The following UBTD2 variants were observed in gnomAD, a reference collection of about 807,000 sequenced individuals.
UBTD2 encodes the protein ubiquitin domain containing 2.
A neutral mutation model predicts 19.8 loss-of-function variants in UBTD2; 9 were observed. The observed-to-expected ratio is 0.46, with a 90% CI of 0.27 to 0.79. The LOEUF is 0.79. Ranked by LOEUF, UBTD2 falls within the 30% of genes least tolerant of loss-of-function variation. UBTD2 has a pLI of 0.14. For missense variants in UBTD2, 250 were observed against 300.4 expected (o/e 0.83, Z 1.24); for synonymous variants, 98 against 103.9 (o/e 0.94, Z 0.35).
At position 172,283,680 on chromosome 5, in the gene UBTD2, C is replaced by T. The variant is rs1755772887; in HGVS notation, c.-15G>A. 3.2e-6 allele frequency: 4 copies of T among 1,231,978 alleles called. No individual in the cohort carries two copies. In the African/African-American group the frequency reaches 4.7e-5, roughly 14 times the overall value. The allele number at this position is 1,231,978 out of a possible 1,614,324, so 76.3% of individuals were successfully genotyped here. A position where few individuals can be genotyped will look rare whatever the true frequency, so the allele number is the denominator to read the frequency against. ...CACCCGCCCATGGGGGCCCCCGGCG[C>T]CTCGTCCGCCACCTCCGGACGCTCG... On this transcript the variant is annotated 5_prime_UTR_variant, in exon 1 of 3. Transcript: ENST00000393792. The surrounding 1 kb of genome is among the most constrained non-coding windows in gnomAD (Gnocchi z 4.3).
In UBTD2 at chr5:172,210,525, G is replaced by A. The variant is rs529039530; in HGVS notation, c.*1305C>T. ...GCAGCTTTACTCCAGTCATAGTATA[G>A]AAGAATCAGGTTATCTCCCTGGATT... is the stretch of plus-strand genomic sequence containing the variant. On this transcript the variant is annotated 3_prime_UTR_variant, in exon 3 of 3. Coordinates refer to ENST00000393792, the MANE Select transcript of UBTD2 (RefSeq NM_152277.3). 3 of 152,218 alleles carry A rather than the reference G, an allele frequency of 2.0e-5. No homozygotes were observed. Among genetic ancestry groups the A allele is most frequent in the East Asian group, 3.9e-4 (2 of 5,174 alleles). The allele number at this position is 152,218 out of a possible 1,614,324, so 9.4% of individuals were successfully genotyped here.
At chr5:172,257,155 A>C (rs978583464) in intron 1 of UBTD2, among the ~76,000 whole-genome samples, 1 of 152,160 alleles carries the variant, frequency 6.6e-6, no homozygotes, top group Non-Finnish European at 1.5e-5. Flanking sequence ...TCTGCCCTCA[A>C]GGAGGTCCCA....
chr5:172,229,229 G>T (rs1303590342), intron 2 of UBTD2, among the ~76,000 whole-genome samples: 1 of 151,666 alleles, frequency 6.6e-6, no homozygotes, highest in Non-Finnish European at 1.5e-5. Context: ...GGCCGGGCGC[G>T]GTGGCTCACG....
intron 1 of UBTD2, among the ~76,000 whole-genome samples, chr5:172,258,862 T>G (rs893318470): frequency 3.6e-4 from 54 of 152,056 alleles, no homozygotes; most frequent in South Asian, 4.2e-4. Context: ...GACTAGGGGG[T>G]TTTCTAGGTA....
intron 2 of UBTD2, among the ~76,000 whole-genome samples, chr5:172,230,346 T>C (rs1354326250): frequency 7.0e-6 from 1 of 143,706 alleles, no homozygotes; most frequent in Non-Finnish European, 1.5e-5. Flanking sequence ...AAAAAGGTAA[T>C]TTAGAAAATG....
intron 2 of UBTD2, among the ~76,000 whole-genome samples, chr5:172,230,811 T>C (rs1176198928): frequency 6.8e-6 from 1 of 148,072 alleles, no homozygotes; most frequent in Non-Finnish European, 1.5e-5. Context: ...TGAGACGGAG[T>C]CTTGCTCTGT....
At chr5:172,262,267 T>C (rs1378851270) in intron 1 of UBTD2, among the ~76,000 whole-genome samples, 1 of 149,382 alleles carries the variant, frequency 6.7e-6, no homozygotes, top group South Asian at 2.1e-4. Context: ...CTGGCCAACA[T>C]GGTGAAACCC....
At chr5:172,252,610 G>C (rs1371785483) in intron 1 of UBTD2, 1 of 152,132 alleles carries the variant, frequency 6.6e-6, no homozygotes, top group Non-Finnish European at 1.5e-5. Flanking sequence ...AATACACTAG[G>C]AGTACAAAGG....
At chr5:172,241,052 C>CTT (rs35160270) in intron 1 of UBTD2, among the ~76,000 whole-genome samples, 152 of 147,380 alleles carry the variant, frequency 1.0e-3, no homozygotes, top group African/African-American at 3.6e-3. Context: ...CATGAGTTAA[C>CTT]TTTTTTTTTT....
chr5:172,276,926 C>T lies in UBTD2; in HGVS notation c.70+6670G>A, dbSNP rs1755614613. 2.0e-5 allele frequency among the ~76,000 whole-genome samples: 3 copies of T among 151,566 alleles called. No homozygotes were observed. The East Asian group carries it at 5.8e-4, about 29-fold the overall frequency. ...CTCTACTAAACATACAAAAATTAGC[C>T]GGTGTGGAGGTGCACACGTGTAATC... On this transcript the variant is annotated intron_variant, in intron 1 of 2. Transcript: ENST00000393792.
At chr5:172,242,463 C>T in intron 1 of UBTD2, 1 of 982,286 alleles carries the variant, frequency 1.0e-6, no homozygotes, top group Non-Finnish European at 1.2e-6. Flanking sequence ...GACAGTTTTG[C>T]CCTCCAGGGG....
chr5:172,221,374 G>A (rs1035106951), intron 2 of UBTD2, among the ~76,000 whole-genome samples: 3 of 152,048 alleles, frequency 2.0e-5, no homozygotes, highest in Non-Finnish European at 2.9e-5. Flanking sequence ...GCATGGTGGT[G>A]CCTGCCCGTA....
intron 2 of UBTD2, 26 bp downstream of exon 2, chr5:172,234,096 C>G (rs1404810704): frequency 1.2e-6 from 2 of 1,606,774 alleles, no homozygotes; most frequent in Non-Finnish European, 8.5e-7. Context: ...TATGTTTCCT[C>G]TGTCCTTGAG....
chr5:172,279,579 T>A (rs1324013393), intron 1 of UBTD2, among the ~76,000 whole-genome samples: 3 of 152,238 alleles, frequency 2.0e-5, no homozygotes, highest in African/African-American at 7.2e-5. Flanking sequence ...TATCACTGAA[T>A]GCACAAAATA....
At chr5:172,217,865 G>C (rs1366267484) in intron 2 of UBTD2, among the ~76,000 whole-genome samples, 6 of 152,162 alleles carry the variant, frequency 3.9e-5, no homozygotes, top group Admixed American at 3.9e-4. Flanking sequence ...GAACTACAAG[G>C]AGAAAGAGAT....
chr5:172,277,187 A>G (rs1755621959), intron 1 of UBTD2, among the ~76,000 whole-genome samples: 1 of 152,142 alleles, frequency 6.6e-6, no homozygotes, highest in South Asian at 2.1e-4. Flanking sequence ...TGAATTGTCA[A>G]CTTCTATAAA....
intron 2 of UBTD2, among the ~76,000 whole-genome samples, chr5:172,214,780 C>A (rs1771512313): frequency 6.6e-6 from 1 of 152,152 alleles, no homozygotes; most frequent in African/African-American, 2.4e-5. Flanking sequence ...GCACTTCTTT[C>A]TACAAAATTA....
intron 2 of UBTD2, among the ~76,000 whole-genome samples, chr5:172,217,582 C>G (rs1167399325): frequency 6.6e-6 from 1 of 152,094 alleles, no homozygotes; most frequent in Admixed American, 6.5e-5. Flanking sequence ...CTCCTTGGCT[C>G]AAGGCTATCC....
intron 2 of UBTD2, among the ~76,000 whole-genome samples, chr5:172,228,459 G>A (rs1471757954): frequency 2.0e-5 from 3 of 152,200 alleles, no homozygotes; most frequent in Non-Finnish European, 2.9e-5. Context: ...AGTGGCTCAT[G>A]CTTGTAATCC....
Sources: allele counts gnomAD v4.1 joint callset (sites outside exome capture counted in the v4.1 genomes callset), GRCh38; gene constraint gnomAD v4.1.1; non-coding constraint Gnocchi (gnomAD v3.1); transcripts MANE v1.5; gene names NCBI Gene and HGNC (gene_info 2026-07-23, HGNC 2026-07-21).